Variants in NTM observed in about 807,000 individuals in gnomAD.
NTM encodes IgLON family member 2.
A neutral mutation model predicts 42.1 loss-of-function variants in NTM; 13 were observed. The ratio of observed to expected loss-of-function variants is 0.31; its 90% confidence interval spans 0.20 to 0.49. The LOEUF is 0.49. Among genes scored for constraint, NTM ranks in the 20% least tolerant of loss-of-function variants. The pLI is 0.99. For synonymous variants in NTM, 187 were observed against 179.2 expected, an observed-to-expected ratio of 1.04 and a Z score of -0.35; for missense variants, 373 against 452.8, an observed-to-expected ratio of 0.82 and a Z score of 1.60.
Position 132,093,237 on chromosome 11 carries a change from A to G in NTM, c.168-53045A>G, listed in dbSNP as rs868574053. On this transcript the variant is annotated intron_variant, in intron 2 of 8. Transcript: ENST00000683400. ...TGATAACCCACATTCAACTCTGGCA[A>G]TACAGACTCTTTCCTGTTTCTCTCC... 2.6e-5 allele frequency among the ~76,000 whole-genome samples: 4 copies of G among 152,102 alleles called. No homozygotes were observed. In the South Asian group the frequency reaches 8.3e-4, roughly 32 times the overall value.
intron 1 of NTM, among the ~76,000 whole-genome samples, chr11:131,872,929 C>T (rs191487875): frequency 9.5e-4 from 145 of 152,256 alleles, no homozygotes; most frequent in African/African-American, 3.2e-3. Flanking sequence ...CACTGTCTTC[C>T]ACAATGGTTG....
At chr11:131,965,683 A>G (rs1383243197) in intron 2 of NTM, among the ~76,000 whole-genome samples, 1 of 152,124 alleles carries the variant, frequency 6.6e-6, no homozygotes, top group African/African-American at 2.4e-5. Context: ...GTGACTCTGA[A>G]GCATCTTTCA....
In NTM at chr11:132,319,968, T is replaced by C. The variant is rs191767598; in HGVS notation, c.934+5265T>C. ...GCATCAGTGGTTCACCAATATCCCCTGTTCTGCAGCCTCCGCTGCTGATAC... is the reference window on the plus strand; with the variant it reads ...GCATCAGTGGTTCACCAATATCCCCCGTTCTGCAGCCTCCGCTGCTGATAC... On this transcript the variant is annotated intron_variant, in intron 7 of 8. Coordinates refer to ENST00000683400, the MANE Select transcript of NTM (RefSeq NM_001352005.2). Among the ~76,000 whole-genome samples, 219 of 152,352 alleles carry C rather than the reference T, an allele frequency of 1.4e-3. 3 individuals are homozygous for C. The highest frequency in any genetic ancestry group is 0.014 in the East Asian group (72 of 5,178).
At chr11:131,754,248 G>A (rs185456845) in intron 1 of NTM, among the ~76,000 whole-genome samples, 4,342 of 150,486 alleles carry the variant, frequency 0.029, 200 homozygotes, top group African/African-American at 0.098. Context: ...TAACCTGCAC[G>A]TTGTGCACAT....
chr11:131,779,481 A>G (rs2087666015), intron 1 of NTM, among the ~76,000 whole-genome samples: 1 of 152,200 alleles, frequency 6.6e-6, no homozygotes, highest in African/African-American at 2.4e-5. Context: ...AGCACCAGCA[A>G]TATGATAGAT....
intron 2 of NTM, chr11:131,981,580 A>G (rs2065242297): frequency 6.6e-6 from 1 of 152,170 alleles, no homozygotes; most frequent in Non-Finnish European, 1.5e-5. Context: ...GTCTGTGGCA[A>G]GAGAGGACTG....
At chr11:131,710,069 A>G (rs537610651) in intron 1 of NTM, among the ~76,000 whole-genome samples, 5 of 152,282 alleles carry the variant, frequency 3.3e-5, no homozygotes, top group African/African-American at 9.6e-5. Flanking sequence ...CTTGACAAGA[A>G]CAATGTGAGT....
At chr11:132,130,340 T>G (rs2066595416) in intron 2 of NTM, among the ~76,000 whole-genome samples, 2 of 152,056 alleles carry the variant, frequency 1.3e-5, no homozygotes, top group South Asian at 4.2e-4. Context: ...AGGTATGGAA[T>G]GTGGCTCTCA....
intron 1 of NTM, among the ~76,000 whole-genome samples, chr11:131,523,029 A>G (rs764975551): frequency 2.0e-5 from 3 of 152,234 alleles, no homozygotes; most frequent in Non-Finnish European, 2.9e-5. Context: ...CCTCAGAAAC[A>G]TGAAAGCATC....
At chr11:132,079,499 T>C (rs1211991068) in intron 2 of NTM, among the ~76,000 whole-genome samples, 1 of 152,218 alleles carries the variant, frequency 6.6e-6, no homozygotes, top group Non-Finnish European at 1.5e-5. Flanking sequence ...ATGCTATCCT[T>C]GTTCCAGTGA....
rs114489721 is a variant in NTM at position 131,801,365 on chromosome 11, C to T, written c.83-110199C>T. 6.8e-3 allele frequency among the ~76,000 whole-genome samples: 1,041 copies of T among 152,144 alleles called. 18 individuals are homozygous for T. The highest frequency in any genetic ancestry group is 0.023 in the African/African-American group (975 of 41,504). ...CTGAGATGTCCAGGTCATCCCTGAG[C>T]GAGGGAGAAGGCCAGTAGCCAGTCC... On this transcript the variant is annotated intron_variant, in intron 1 of 8. Transcript: ENST00000683400.
In NTM at chr11:132,313,079, A is replaced by G. The variant is rs139286559; in HGVS notation, c.783-1473A>G. On this transcript the variant is annotated intron_variant, in intron 6 of 8. Transcript: ENST00000683400. ...CAGAACCTGCCTCTCTTTTCTGATC[A>G]AGGTTACTGTAAGTTGCAGGAGTGG... is the stretch of plus-strand genomic sequence containing the variant. 4.2e-3 allele frequency among the ~76,000 whole-genome samples: 642 copies of G among 152,234 alleles called. 5 individuals are homozygous for G. Among genetic ancestry groups the G allele is most frequent in the African/African-American group, 0.014 (578 of 41,514 alleles).
chr11:131,508,124 G>T (rs1041338730), intron 1 of NTM, among the ~76,000 whole-genome samples: 4 of 145,704 alleles, frequency 2.7e-5, no homozygotes, highest in Non-Finnish European at 6.0e-5. Flanking sequence ...GAAAATTTTC[G>T]CAACCTACTC....
At chr11:132,061,159 G>C (rs977278803) in intron 2 of NTM, among the ~76,000 whole-genome samples, 4 of 152,160 alleles carry the variant, frequency 2.6e-5, no homozygotes, top group African/African-American at 9.7e-5. Flanking sequence ...CACACACTAA[G>C]ATAAGTTCAC....
intron 3 of NTM, among the ~76,000 whole-genome samples, chr11:132,194,598 T>C (rs2079873451): frequency 6.6e-6 from 1 of 152,106 alleles, no homozygotes; most frequent in African/African-American, 2.4e-5. Context: ...TGTAACATAA[T>C]ACTGAAAGTC....
chr11:131,590,247 T>TG lies in NTM; in HGVS notation c.82+219364dup, dbSNP rs1214328510. Among the ~76,000 whole-genome samples the TG allele has an allele frequency of 2.6e-5, 4 of 152,296 alleles. No homozygotes were observed. The East Asian group carries it at 7.7e-4, about 29-fold the overall frequency. ...GACTGTCTGACAGCAGTGATGACCC[T>TG]GGGGGCTTGTGTCATCATTCAATTC... On this transcript the variant is annotated intron_variant, in intron 1 of 8. Transcript: ENST00000683400.
intron 1 of NTM, among the ~76,000 whole-genome samples, chr11:131,614,286 G>C (rs2061712481): frequency 1.3e-5 from 2 of 152,174 alleles, no homozygotes; most frequent in African/African-American, 4.8e-5. Flanking sequence ...GGAGGGAAGT[G>C]GTTCCCATAA....
chr11:131,529,155 A>T (rs991258156), intron 1 of NTM, among the ~76,000 whole-genome samples: 1 of 152,184 alleles, frequency 6.6e-6, no homozygotes, highest in Non-Finnish European at 1.5e-5. Context: ...CAGGTCAGGG[A>T]GCAGAATCCA....
At chr11:132,025,879 C>T (rs2075104519) in intron 2 of NTM, among the ~76,000 whole-genome samples, 1 of 152,200 alleles carries the variant, frequency 6.6e-6, no homozygotes, top group South Asian at 2.1e-4. Context: ...CCTTCCCTTC[C>T]CTTTCAATTG....
Sources: allele counts gnomAD v4.1 joint callset (sites outside exome capture counted in the v4.1 genomes callset), GRCh38; gene constraint gnomAD v4.1.1; transcripts MANE v1.5; gene names NCBI Gene and HGNC (gene_info 2026-07-23, HGNC 2026-07-21).